The following PTPN21 variants were observed in gnomAD, a reference collection of about 807,000 sequenced individuals.
PTPN21 encodes the protein protein tyrosine phosphatase non-receptor type 21, also known as tyrosine-protein phosphatase non-receptor type 21.
PTPN21 carries 77 observed loss-of-function variants against 131.8 expected under a neutral mutation model. The observed-to-expected ratio is 0.58, with a 90% CI of 0.49 to 0.71. The LOEUF is 0.71. Among genes scored for constraint, PTPN21 ranks in the 30% least tolerant of loss-of-function variants. PTPN21 has a pLI of 0.00. For missense variants in PTPN21, 1,552 were observed against 1,527.1 expected, an observed-to-expected ratio of 1.02 and a Z score of -0.27; for synonymous variants, 715 against 621.3, an observed-to-expected ratio of 1.15 and a Z score of -2.24.
chr14:88,531,715 G>A (rs907585688), intron 2 of PTPN21, among the ~76,000 whole-genome samples: 1 of 152,014 alleles, frequency 6.6e-6, no homozygotes, highest in Non-Finnish European at 1.5e-5. Flanking sequence ...CAAGGAACTA[G>A]AGAAACAAGA....
intron 2 of PTPN21, among the ~76,000 whole-genome samples, chr14:88,544,993 A>G (rs1409300355): frequency 6.6e-6 from 1 of 151,872 alleles, no homozygotes; most frequent in African/African-American, 2.4e-5. Flanking sequence ...ACGCATGGGT[A>G]ATTTTTTTGT....
At chr14:88,540,330 T>C (rs1595415273) in intron 2 of PTPN21, among the ~76,000 whole-genome samples, 2 of 152,230 alleles carry the variant, frequency 1.3e-5, no homozygotes, top group East Asian at 1.9e-4. Flanking sequence ...GTTACACATA[T>C]GTAAAGCAAC....
Position 88,469,124 on chromosome 14 carries a change from T to C in PTPN21, c.3236-48A>G. ...AAAAGTACTCAAGGATCAAGGCGTA[T>C]CACATTGTTGACTCAATCTTCATAT... On this transcript the variant is annotated intron_variant, in intron 17 of 18. Coordinates refer to ENST00000556564, the MANE Select transcript of PTPN21 (RefSeq NM_007039.4). The surrounding 1 kb of genome is among the most constrained non-coding windows in gnomAD (Gnocchi z 4.3). The C allele has an allele frequency of 3.9e-6, 6 of 1,557,850 alleles. No individual in the cohort carries two copies. Among genetic ancestry groups the C allele is most frequent in the Non-Finnish European group, 5.3e-6 (6 of 1,142,438 alleles).
intron 11 of PTPN21, 141 bp downstream of exon 11, chr14:88,485,641 T>TA: frequency 1.9e-6 from 1 of 523,196 alleles, no homozygotes; most frequent in Non-Finnish European, 3.2e-6. Context: ...GGGAAAAAAT[T>TA]ACCATTTCTT....
intron 8 of PTPN21, chr14:88,499,473 A>C (rs1474451684): frequency 6.6e-6 from 1 of 152,200 alleles, no homozygotes; most frequent in African/African-American, 2.4e-5. Context: ...AAAGCTGTTT[A>C]ATACAGCGAT....
At chr14:88,512,072 TAAGTA>T (rs2139298737) in intron 3 of PTPN21, among the ~76,000 whole-genome samples, 2 of 152,244 alleles carry the variant, frequency 1.3e-5, no homozygotes, top group African/African-American at 4.8e-5. Flanking sequence ...GTAGAGACAT[TAAGTA>T]TAGTCACCCC....
At chr14:88,543,959 T>C (rs541805738) in intron 2 of PTPN21, among the ~76,000 whole-genome samples, 4 of 128,792 alleles carry the variant, frequency 3.1e-5, no homozygotes, top group African/African-American at 1.1e-4. Flanking sequence ...CTCTAAGTTA[T>C]AAAACTAACA....
intron 2 of PTPN21, among the ~76,000 whole-genome samples, chr14:88,547,182 C>T (rs1017843322): frequency 1.3e-5 from 2 of 151,892 alleles, no homozygotes; most frequent in African/African-American, 4.8e-5. Flanking sequence ...GAACACATTC[C>T]ACACCTGGTA....
At chr14:88,536,066 A>T (rs892749888) in intron 2 of PTPN21, among the ~76,000 whole-genome samples, 1 of 152,076 alleles carries the variant, frequency 6.6e-6, no homozygotes, top group Non-Finnish European at 1.5e-5. Flanking sequence ...AGCTGCATCC[A>T]CTCTCACTGG....
At chr14:88,500,144 A>G (rs540446705) in intron 8 of PTPN21, among the ~76,000 whole-genome samples, 1 of 132,440 alleles carries the variant, frequency 7.6e-6, no homozygotes, top group East Asian at 2.2e-4. Context: ...TTCATAGGAA[A>G]GAGCCCTTCA....
At chr14:88,538,580 A>G (rs954552554) in intron 2 of PTPN21, among the ~76,000 whole-genome samples, 1 of 152,230 alleles carries the variant, frequency 6.6e-6, no homozygotes, top group Non-Finnish European at 1.5e-5. Context: ...AATTGTAAAA[A>G]TACAAAAATT....
At chr14:88,482,902 C>CAT (rs1427688920) in intron 12 of PTPN21, among the ~76,000 whole-genome samples, 3 of 151,454 alleles carry the variant, frequency 2.0e-5, no homozygotes, top group African/African-American at 7.3e-5. Context: ...AAGCAGCACA[C>CAT]AGAGAGTACT....
intron 14 of PTPN21, among the ~76,000 whole-genome samples, 193 bp downstream of exon 14, chr14:88,473,472 C>G (rs530833777): frequency 1.3e-5 from 2 of 152,190 alleles, no homozygotes; most frequent in Non-Finnish European, 2.9e-5. Context: ...AATCAGCATT[C>G]GAACCTGAAA....
chr14:88,554,433 G>A (rs1170917273), intron 1 of PTPN21, among the ~76,000 whole-genome samples: 1 of 152,212 alleles, frequency 6.6e-6, no homozygotes, highest in Non-Finnish European at 1.5e-5. Context: ...CGGAATAGAA[G>A]TTCAAGACTC....
At chr14:88,475,032 C>T (rs1300429852) in intron 13 of PTPN21, among the ~76,000 whole-genome samples, 4 of 151,948 alleles carry the variant, frequency 2.6e-5, no homozygotes, top group Admixed American at 6.6e-5. Flanking sequence ...GTGGAGATTA[C>T]AGTGAGCTGA....
At chr14:88,540,156 G>GT (rs1426486066) in intron 2 of PTPN21, among the ~76,000 whole-genome samples, 2 of 152,138 alleles carry the variant, frequency 1.3e-5, no homozygotes, top group African/African-American at 4.8e-5. Flanking sequence ...ATCCCTCAGT[G>GT]TATTATTCCA....
intron 2 of PTPN21, among the ~76,000 whole-genome samples, chr14:88,539,736 T>C (rs2078679400): frequency 1.3e-5 from 2 of 151,520 alleles, no homozygotes; most frequent in South Asian, 4.2e-4. Flanking sequence ...AGGCATTAGT[T>C]GTATAGCATC....
chr14:88,528,589 G>A (rs1277676736), intron 2 of PTPN21, among the ~76,000 whole-genome samples: 2 of 152,202 alleles, frequency 1.3e-5, no homozygotes, highest in African/African-American at 2.4e-5. Flanking sequence ...CCTGGTGGGA[G>A]GTAACTGAAT....
chr14:88,526,547 C>CAAAAAAAAAAA (rs10587204), intron 2 of PTPN21, among the ~76,000 whole-genome samples: 4 of 56,912 alleles, frequency 7.0e-5, no homozygotes, highest in African/African-American at 3.3e-4. Context: ...GAGATGATCT[C>CAAAAAAAAAAA]AAAAAAAAAA....
Sources: allele counts gnomAD v4.1 joint callset (sites outside exome capture counted in the v4.1 genomes callset), GRCh38; gene constraint gnomAD v4.1.1; non-coding constraint Gnocchi (gnomAD v3.1); transcripts MANE v1.5; gene names NCBI Gene and HGNC (gene_info 2026-07-23, HGNC 2026-07-21).